The following FUT8 variants were observed in gnomAD, a reference collection of about 807,000 sequenced individuals.
The protein encoded by FUT8 is fucosyltransferase 8, also known as alpha-(1,6)-fucosyltransferase.
Under a neutral mutation model 71.3 loss-of-function variants are expected in FUT8, and 29 were observed. The observed-to-expected ratio is 0.41, with a 90% CI of 0.30 to 0.55. FUT8 has a LOEUF of 0.55. Among genes scored for constraint, FUT8 ranks in the 20% least tolerant of loss-of-function variants. The pLI is 0.34. For synonymous variants in FUT8, 254 were observed against 239.3 expected (o/e 1.06, Z -0.57); for missense variants, 544 against 702.1 (o/e 0.77, Z 2.55).
At chr14:65,633,166 G>A (rs1487605695) in intron 6 of FUT8, among the ~76,000 whole-genome samples, 5 of 152,148 alleles carry the variant, frequency 3.3e-5, no homozygotes, top group East Asian at 1.9e-4. Context: ...TTGCAGGCGC[G>A]CGCCGCCACG....
intron 1 of FUT8, among the ~76,000 whole-genome samples, chr14:65,449,758 A>T (rs10150033): frequency 3.3e-5 from 5 of 152,084 alleles, no homozygotes; most frequent in Non-Finnish European, 5.9e-5. Flanking sequence ...GCCTTACCCT[A>T]TTTCACTGTG....
At chr14:65,571,804 A>C (rs1227398160) in intron 3 of FUT8, among the ~76,000 whole-genome samples, 1 of 152,124 alleles carries the variant, frequency 6.6e-6, no homozygotes, top group Non-Finnish European at 1.5e-5. Context: ...AGGGGTTTTC[A>C]GGCAACAAAA....
intron 3 of FUT8, among the ~76,000 whole-genome samples, chr14:65,573,368 C>G (rs999074711): frequency 4.0e-5 from 6 of 151,340 alleles, no homozygotes; most frequent in African/African-American, 1.5e-4. Flanking sequence ...AAATCACCAC[C>G]AAGAAAAGAA....
chr14:65,510,244 ATG>A (rs950672537), intron 2 of FUT8, among the ~76,000 whole-genome samples: 1 of 152,070 alleles, frequency 6.6e-6, no homozygotes, highest in Admixed American at 6.5e-5. Flanking sequence ...TGATTTGTAT[ATG>A]TTGAACCATT....
intron 6 of FUT8, among the ~76,000 whole-genome samples, chr14:65,662,554 G>T (rs1892019672): frequency 6.6e-6 from 1 of 152,134 alleles, no homozygotes; most frequent in South Asian, 2.1e-4. Flanking sequence ...AAAGACTCGT[G>T]ATTGAGCTAC....
chr14:65,481,440 G>C (rs2066329453), intron 2 of FUT8, among the ~76,000 whole-genome samples: 1 of 151,902 alleles, frequency 6.6e-6, no homozygotes, highest in Non-Finnish European at 1.5e-5. Flanking sequence ...GTGGGTTAAT[G>C]GAGTGTGATT....
intron 2 of FUT8, among the ~76,000 whole-genome samples, chr14:65,521,063 A>G (rs1309165316): frequency 3.9e-5 from 6 of 152,166 alleles, no homozygotes; most frequent in Non-Finnish European, 8.8e-5. Context: ...CAGGTAGAAT[A>G]ATGTATCTCA....
chr14:65,741,004 A>G (rs1896471131), intron 10 of FUT8, among the ~76,000 whole-genome samples: 1 of 152,082 alleles, frequency 6.6e-6, no homozygotes, highest in Non-Finnish European at 1.5e-5. Context: ...CTATTGGTAT[A>G]GTGACAATAA....
chr14:65,552,128 TAA>T, intron 2 of FUT8, among the ~76,000 whole-genome samples: 1 of 152,310 alleles, frequency 6.6e-6, no homozygotes, highest in African/African-American at 2.4e-5. Flanking sequence ...ATTTTATGCT[TAA>T]AAATAAAATG....
intron 2 of FUT8, among the ~76,000 whole-genome samples, chr14:65,560,566 A>G (rs1418792528): frequency 6.6e-6 from 1 of 152,192 alleles, no homozygotes; most frequent in South Asian, 2.1e-4. Flanking sequence ...TTCTAAGCCT[A>G]ATGATGGAGA....
At chr14:65,523,713 C>A (rs534459546) in intron 2 of FUT8, among the ~76,000 whole-genome samples, 22 of 152,274 alleles carry the variant, frequency 1.4e-4, no homozygotes, top group Admixed American at 5.2e-4. Flanking sequence ...TTAGGTCTAA[C>A]ATTTAGGTCT....
At chr14:65,594,455 T>G (rs1484070553) in intron 3 of FUT8, among the ~76,000 whole-genome samples, 1 of 152,126 alleles carries the variant, frequency 6.6e-6, no homozygotes, top group Non-Finnish European at 1.5e-5. Context: ...CTGTCTTAGC[T>G]CCATTGTCTG....
At chr14:65,658,887 G>A (rs553333105) in intron 6 of FUT8, among the ~76,000 whole-genome samples, 174 of 152,094 alleles carry the variant, frequency 1.1e-3, no homozygotes, top group African/African-American at 3.8e-3. Context: ...GTGAAAACTG[G>A]TAAAATCTAA....
chr14:65,395,485 G>A, the FUT8 span, among the ~76,000 whole-genome samples: 1 of 152,222 alleles, frequency 6.6e-6, no homozygotes, highest in Non-Finnish European at 1.5e-5. Context: ...CTTGATTTCT[G>A]TGTATCTGCA....
intron 2 of FUT8, among the ~76,000 whole-genome samples, chr14:65,515,560 T>C (rs1385435132): frequency 1.3e-5 from 2 of 152,072 alleles, no homozygotes; most frequent in Admixed American, 6.5e-5. Context: ...ATTTCCCAGT[T>C]TAGTAATTAC....
Position 65,627,288 on chromosome 14 carries a change from G to C in FUT8, c.483-2204G>C, listed in dbSNP as rs567844626. Among the ~76,000 whole-genome samples, 29 of 152,154 alleles carry C rather than the reference G, an allele frequency of 1.9e-4. No individual in the cohort carries two copies. The highest frequency in any genetic ancestry group is 1.3e-3 in the Admixed American group (20 of 15,292). The stretch of plus-strand genomic sequence containing the variant: ...AGTGTTAGCAGCAGTGAATCCATAC[G>C]GGCCTGCAGCAGCTCGATTCTTGCT... On this transcript the variant is annotated intron_variant, in intron 5 of 10. Coordinates refer to ENST00000673929, the MANE Select transcript of FUT8 (RefSeq NM_001371533.1). The surrounding 1 kb of genome is among the most constrained non-coding windows in gnomAD (Gnocchi z 4.0).
chr14:65,650,865 G>T (rs943312017), intron 6 of FUT8, among the ~76,000 whole-genome samples: 1 of 152,106 alleles, frequency 6.6e-6, no homozygotes, highest in African/African-American at 2.4e-5. Flanking sequence ...GGAAAAAAAA[G>T]CCCCATTTTA....
At chr14:65,459,962 A>T (rs566362153) in intron 2 of FUT8, among the ~76,000 whole-genome samples, 1 of 152,246 alleles carries the variant, frequency 6.6e-6, no homozygotes, top group Non-Finnish European at 1.5e-5. Flanking sequence ...ATCCAAACAT[A>T]TAAGTATTTA....
chr14:65,545,371 T>C (rs570327163), intron 2 of FUT8, among the ~76,000 whole-genome samples: 117 of 152,078 alleles, frequency 7.7e-4, no homozygotes, highest in Non-Finnish European at 1.5e-3. Context: ...GCTCTTAAAA[T>C]GTTTGTACAT....
Sources: allele counts gnomAD v4.1 joint callset (sites outside exome capture counted in the v4.1 genomes callset), GRCh38; gene constraint gnomAD v4.1.1; non-coding constraint Gnocchi (gnomAD v3.1); transcripts MANE v1.5; gene names NCBI Gene and HGNC (gene_info 2026-07-23, HGNC 2026-07-21).